Variants in TMEM9 observed in about 807,000 individuals in gnomAD.
The protein encoded by TMEM9 is proton-transporting V-type ATPase complex assembly regulator TMEM9.
A neutral mutation model predicts 22.8 loss-of-function variants in TMEM9; 13 were observed. That is an observed-to-expected ratio of 0.57 (90% confidence interval 0.37 to 0.91). The LOEUF is 0.91. TMEM9 is among the 40% of genes least tolerant of loss of function. TMEM9 has a pLI of 0.01. For synonymous variants in TMEM9, 88 were observed against 93.0 expected (o/e 0.95, Z 0.31); for missense variants, 182 against 238.1 (o/e 0.76, Z 1.55).
At chr1:201,143,111 A>G (rs544529611) in intron 4 of TMEM9, among the ~76,000 whole-genome samples, 2 of 152,248 alleles carry the variant, frequency 1.3e-5, no homozygotes, top group Admixed American at 6.5e-5. Flanking sequence ...GCTCCCCACC[A>G]TTGCATGAAC....
chr1:201,162,569 A>G (rs1031400929), intron 1 of TMEM9, among the ~76,000 whole-genome samples: 1 of 151,712 alleles, frequency 6.6e-6, no homozygotes, highest in African/African-American at 2.4e-5. Flanking sequence ...GAAGTCTCAT[A>G]CCTTGTAAAA....
chr1:201,137,087 T>C (rs780563086), intron 4 of TMEM9, among the ~76,000 whole-genome samples: 1 of 152,268 alleles, frequency 6.6e-6, no homozygotes, highest in Admixed American at 6.5e-5. Context: ...AGATGGACAC[T>C]GCCTTCTGGG....
At chr1:201,139,767 C>T (rs1184361413) in intron 4 of TMEM9, among the ~76,000 whole-genome samples, 2 of 152,234 alleles carry the variant, frequency 1.3e-5, no homozygotes. Context: ...GTAAAGCTTC[C>T]ATACACACGA....
At chr1:201,141,074 C>G (rs368690976) in intron 4 of TMEM9, among the ~76,000 whole-genome samples, 1 of 152,206 alleles carries the variant, frequency 6.6e-6, no homozygotes, top group East Asian at 1.9e-4. Flanking sequence ...CCTGAGTGGG[C>G]ACTGAAAATC....
chr1:201,151,328 T>C (rs1665410194), intron 2 of TMEM9, among the ~76,000 whole-genome samples: 2 of 152,228 alleles, frequency 1.3e-5, no homozygotes, highest in African/African-American at 4.8e-5. Context: ...CCTCTGTCTC[T>C]GCTATTATAA....
intron 4 of TMEM9, among the ~76,000 whole-genome samples, chr1:201,140,345 A>C (rs914934003): frequency 2.6e-5 from 4 of 152,188 alleles, no homozygotes; most frequent in Non-Finnish European, 4.4e-5. Flanking sequence ...CATCTAAAAC[A>C]GCTCTGTTTG....
intron 4 of TMEM9, among the ~76,000 whole-genome samples, chr1:201,139,567 C>T (rs966179199): frequency 2.0e-5 from 3 of 152,134 alleles, no homozygotes; most frequent in Admixed American, 6.5e-5. Flanking sequence ...CACTCCCAGC[C>T]TCACCTCCCC....
chr1:201,147,831 C>A (rs1004509634), intron 2 of TMEM9, among the ~76,000 whole-genome samples: 2 of 152,186 alleles, frequency 1.3e-5, no homozygotes, highest in African/African-American at 4.8e-5. Context: ...ATCTGCCAGG[C>A]TGCTCTCTGA....
At position 201,134,822 on chromosome 1, in the gene TMEM9, C is replaced by CT. The variant is rs1010642722; in HGVS notation, c.*840dup. ...TGGCTTCCTTGATTTACACACAACT[C>CT]TAAGACAAGAGGACAAAATTTTCTC... On this transcript the variant is annotated 3_prime_UTR_variant, in exon 5 of 5. Transcript: ENST00000367330. The CT allele has an allele frequency of 1.3e-5, 2 of 152,814 alleles. No individual in the cohort carries two copies. The highest frequency in any genetic ancestry group is 6.5e-5 in the Admixed American group (1 of 15,286). The allele number at this position is 152,814 out of a possible 1,614,324, so 9.5% of individuals were successfully genotyped here. A position where few individuals can be genotyped will look rare whatever the true frequency, so the allele number is the denominator to read the frequency against.
At chr1:201,142,898 C>G (rs891372985) in intron 4 of TMEM9, among the ~76,000 whole-genome samples, 1 of 152,234 alleles carries the variant, frequency 6.6e-6, no homozygotes, top group Non-Finnish European at 1.5e-5. Context: ...TCCCCTAGAC[C>G]ACCTGGGGAG....
At chr1:201,143,034 A>G (rs1452892200) in intron 4 of TMEM9, among the ~76,000 whole-genome samples, 2 of 152,210 alleles carry the variant, frequency 1.3e-5, no homozygotes, top group Non-Finnish European at 2.9e-5. Flanking sequence ...ACTTTTTAGT[A>G]TGAGGATGAA....
At chr1:201,162,790 G>A (rs1048644994) in intron 1 of TMEM9, among the ~76,000 whole-genome samples, 3 of 151,950 alleles carry the variant, frequency 2.0e-5, no homozygotes, top group African/African-American at 4.8e-5. Flanking sequence ...GTTAAGAGAC[G>A]AGAAAGAAAA....
intron 1 of TMEM9, among the ~76,000 whole-genome samples, chr1:201,162,640 GA>G (rs1436054995): frequency 6.6e-6 from 1 of 151,006 alleles, no homozygotes; most frequent in East Asian, 1.9e-4. Flanking sequence ...AAAATACTTA[GA>G]AAAAAATCAT....
chr1:201,145,907 A>G (rs929301217), intron 3 of TMEM9, among the ~76,000 whole-genome samples: 1 of 152,214 alleles, frequency 6.6e-6, no homozygotes, highest in African/African-American at 2.4e-5. Flanking sequence ...AGCTGCAGTG[A>G]GCTGTGATCG....
chr1:201,149,186 C>T (rs1665229731), intron 2 of TMEM9, among the ~76,000 whole-genome samples: 1 of 152,198 alleles, frequency 6.6e-6, no homozygotes, highest in African/African-American at 2.4e-5. Flanking sequence ...GTCTCCAACT[C>T]TCCTGTGATT....
At chr1:201,169,894 T>C (rs1666171175) in intron 1 of TMEM9, among the ~76,000 whole-genome samples, 1 of 152,184 alleles carries the variant, frequency 6.6e-6, no homozygotes. Context: ...TAAGGATTCT[T>C]TAGTGCTGAA....
intron 4 of TMEM9, among the ~76,000 whole-genome samples, 163 bp downstream of exon 4, chr1:201,143,657 G>C (rs1163634118): frequency 1.3e-5 from 2 of 152,244 alleles, no homozygotes; most frequent in Non-Finnish European, 2.9e-5. Context: ...AGGGCAAAGA[G>C]CAGGTCCCTG....
At chr1:201,137,017 T>C (rs1161307010) in intron 4 of TMEM9, among the ~76,000 whole-genome samples, 3 of 152,216 alleles carry the variant, frequency 2.0e-5, no homozygotes, top group Non-Finnish European at 4.4e-5. Context: ...GGGTTCATCA[T>C]CATCCTCTCA....
rs774798111 is a variant in TMEM9 at position 201,153,953 on chromosome 1, C to T, written c.-30G>A. The T allele has an allele frequency of 8.2e-6, 13 of 1,589,694 alleles. No individual in the cohort carries two copies. Among genetic ancestry groups the T allele is most frequent in the Non-Finnish European group, 1.1e-5 (13 of 1,167,408 alleles). Reference sequence around the variant, plus strand: ...ATCAGGCTTGCTGGGCCAGCAAAGCCGGACACCTGGAAAAAGAGATACGGA... The same window carrying T: ...ATCAGGCTTGCTGGGCCAGCAAAGCTGGACACCTGGAAAAAGAGATACGGA... On this transcript the variant is annotated 5_prime_UTR_variant, in exon 1 of 5. Transcript: ENST00000367330.
Sources: allele counts gnomAD v4.1 joint callset (sites outside exome capture counted in the v4.1 genomes callset), GRCh38; gene constraint gnomAD v4.1.1; transcripts MANE v1.5; gene names NCBI Gene and HGNC (gene_info 2026-07-23, HGNC 2026-07-21).